RIT2: variants seen among roughly 807,000 people sequenced by gnomAD.
RIT2 encodes GTP-binding protein Rit2.
In RIT2, 24 loss-of-function variants were observed where a neutral mutation model predicts 23.7. That is an observed-to-expected ratio of 1.01 (90% confidence interval 0.73 to 1.43). RIT2 has a LOEUF of 1.43. Ranked by LOEUF, RIT2 falls within the 40% of genes most tolerant of loss-of-function variation. The probability of loss-of-function intolerance (pLI) is 0.00; values close to 1 mark genes in which losing one functional copy is unlikely to be tolerated. For synonymous variants in RIT2, 107 were observed against 91.1 expected (o/e 1.17, Z -0.99); for missense variants, 236 against 266.9 (o/e 0.88, Z 0.81).
chr18:42,852,829 CT>C (rs1907091602), intron 4 of RIT2, among the ~76,000 whole-genome samples: 5 of 115,498 alleles, frequency 4.3e-5, no homozygotes, highest in East Asian at 6.2e-4. Context: ...TCCTTCCTTC[CT>C]TTCTTTCTTT....
intron 2 of RIT2, among the ~76,000 whole-genome samples, chr18:43,014,997 G>A (rs142900461): frequency 6.6e-6 from 1 of 151,738 alleles, no homozygotes; most frequent in East Asian, 1.9e-4. Context: ...ATTACAAAAT[G>A]AGGCAAAAAT....
intron 4 of RIT2, among the ~76,000 whole-genome samples, chr18:42,769,814 G>C (rs759977306): frequency 6.7e-5 from 10 of 148,600 alleles, no homozygotes; most frequent in African/African-American, 2.5e-4. Context: ...TAACCAGCAC[G>C]TTGTGCACAT....
intron 4 of RIT2, among the ~76,000 whole-genome samples, chr18:42,915,920 A>T (rs1568029401): frequency 6.6e-6 from 1 of 151,836 alleles, no homozygotes; most frequent in Non-Finnish European, 1.5e-5. Context: ...TATTATGTAT[A>T]TATTACACCA....
At chr18:42,829,858 G>C (rs571103063) in intron 4 of RIT2, among the ~76,000 whole-genome samples, 7 of 151,956 alleles carry the variant, frequency 4.6e-5, no homozygotes, top group Non-Finnish European at 8.8e-5. Context: ...AAAAGAACAG[G>C]AAATAAATCA....
chr18:43,016,283 G>A (rs1262896748), intron 2 of RIT2, among the ~76,000 whole-genome samples: 3 of 151,728 alleles, frequency 2.0e-5, no homozygotes, highest in African/African-American at 4.8e-5. Context: ...TAATACACAC[G>A]AATTGTTGCT....
intron 1 of RIT2, among the ~76,000 whole-genome samples, chr18:43,086,093 G>A (rs577649548): frequency 3.9e-5 from 6 of 152,168 alleles, no homozygotes; most frequent in South Asian, 2.1e-4. Context: ...GACCAGAAAT[G>A]TTTTGGATTT....
intron 2 of RIT2, among the ~76,000 whole-genome samples, chr18:43,027,566 G>C (rs563952565): frequency 1.3e-5 from 2 of 152,058 alleles, no homozygotes; most frequent in Admixed American, 6.6e-5. Flanking sequence ...TTCTGGGTGG[G>C]AGTCTTTAAA....
intron 4 of RIT2, among the ~76,000 whole-genome samples, chr18:42,829,829 C>T (rs1001215286): frequency 4.0e-5 from 6 of 151,706 alleles, no homozygotes; most frequent in Admixed American, 6.6e-5. Context: ...ATAAAAGATA[C>T]GTTATAATTT....
At chr18:42,880,295 C>T (rs1907853610) in intron 4 of RIT2, among the ~76,000 whole-genome samples, 1 of 152,140 alleles carries the variant, frequency 6.6e-6, no homozygotes, top group Non-Finnish European at 1.5e-5. Flanking sequence ...AAATCAATTT[C>T]TTTCTCAGTT....
At chr18:42,989,640 G>A (rs1910793081) in intron 2 of RIT2, among the ~76,000 whole-genome samples, 1 of 152,086 alleles carries the variant, frequency 6.6e-6, no homozygotes, top group African/African-American at 2.4e-5. Context: ...CACATGTCAA[G>A]AACATGAAAG....
At chr18:42,773,654 T>A (rs1913601955) in intron 4 of RIT2, among the ~76,000 whole-genome samples, 1 of 152,220 alleles carries the variant, frequency 6.6e-6, no homozygotes, top group South Asian at 2.1e-4. Context: ...CTGAAATGCA[T>A]AGTAATTAGT....
intron 2 of RIT2, among the ~76,000 whole-genome samples, chr18:43,016,732 A>G (rs765554722): frequency 4.6e-5 from 7 of 151,850 alleles, no homozygotes; most frequent in Non-Finnish European, 7.4e-5. Context: ...AAATTGACAT[A>G]TTCAATTTGA....
chr18:42,912,003 T>G (rs969337331), intron 4 of RIT2, among the ~76,000 whole-genome samples: 2 of 151,834 alleles, frequency 1.3e-5, no homozygotes, highest in Admixed American at 1.3e-4. Context: ...TGTAGACCAA[T>G]ATATCTGATT....
At chr18:42,836,566 T>A (rs1362492030) in intron 4 of RIT2, among the ~76,000 whole-genome samples, 1 of 152,192 alleles carries the variant, frequency 6.6e-6, no homozygotes, top group Non-Finnish European at 1.5e-5. Context: ...GAGGAGAAGC[T>A]TCGTTTGGGG....
intron 3 of RIT2, among the ~76,000 whole-genome samples, chr18:42,959,555 A>G (rs1388591995): frequency 6.6e-6 from 1 of 152,212 alleles, no homozygotes; most frequent in African/African-American, 2.4e-5. Flanking sequence ...TTACATGTTA[A>G]AAGACTTCCA....
At chr18:42,926,561 T>A (rs1405661300) in intron 3 of RIT2, among the ~76,000 whole-genome samples, 1 of 151,934 alleles carries the variant, frequency 6.6e-6, no homozygotes, top group African/African-American at 2.4e-5. Context: ...ACTAACAAAT[T>A]TGATAAAGTG....
intron 4 of RIT2, among the ~76,000 whole-genome samples, chr18:42,755,459 G>A (rs1320339287): frequency 6.6e-6 from 1 of 152,018 alleles, no homozygotes; most frequent in Non-Finnish European, 1.5e-5. Flanking sequence ...CACCTCCACT[G>A]AGACACCTTG....
intron 1 of RIT2, among the ~76,000 whole-genome samples, chr18:43,092,886 A>G (rs574443453): frequency 1.1e-4 from 16 of 151,984 alleles, no homozygotes; most frequent in Non-Finnish European, 2.4e-4. Flanking sequence ...AGTCAGGGGA[A>G]GTTTCTGTCT....
chr18:42,794,194 G>T (rs1476276812), intron 4 of RIT2, among the ~76,000 whole-genome samples: 2 of 152,120 alleles, frequency 1.3e-5, no homozygotes, highest in Non-Finnish European at 2.9e-5. Context: ...GCCCTGCAGG[G>T]TGCTAGGCCA....
Sources: allele counts gnomAD v4.1 joint callset (sites outside exome capture counted in the v4.1 genomes callset), GRCh38; gene constraint gnomAD v4.1.1; transcripts MANE v1.5; gene names NCBI Gene and HGNC (gene_info 2026-07-23, HGNC 2026-07-21).